Variants in EEFSEC observed in about 807,000 individuals in gnomAD.
EEFSEC encodes the protein eukaryotic elongation factor, selenocysteine-tRNA specific, also known as selenocysteine-specific elongation factor.
In EEFSEC, 43 loss-of-function variants were observed where a neutral mutation model predicts 42.1. The ratio of observed to expected loss-of-function variants is 1.02; its 90% CI spans 0.80 to 1.32. The LOEUF (loss-of-function observed/expected upper bound fraction) is 1.32. Among genes scored for constraint, EEFSEC ranks in the 40% most tolerant of loss-of-function variants. The pLI, the probability that EEFSEC is intolerant of heterozygous loss-of-function variation, is 0.00. For missense variants in EEFSEC, 745 were observed against 803.6 expected, an observed-to-expected ratio of 0.93 and a Z score of 0.88; for synonymous variants, 354 against 339.1, an observed-to-expected ratio of 1.04 and a Z score of -0.48.
At chr3:128,348,308 G>GCGTGTGTGTGTGTGGA (rs1163809514) in intron 5 of EEFSEC, among the ~76,000 whole-genome samples, 5 of 151,908 alleles carry the variant, frequency 3.3e-5, no homozygotes, top group Non-Finnish European at 7.4e-5. Context: ...GTGTGTGTGT[G>GCGTGTGTGTGTGTGGA]TTCATTCTTT....
chr3:128,234,052 TA>T (rs2065984571), intron 1 of EEFSEC, among the ~76,000 whole-genome samples: 4 of 142,516 alleles, frequency 2.8e-5, no homozygotes, highest in African/African-American at 5.2e-5. Context: ...TTTATTTATT[TA>T]TTTAATTTAT....
At chr3:128,251,606 A>T (rs1378876380) in intron 2 of EEFSEC, among the ~76,000 whole-genome samples, 47 of 152,166 alleles carry the variant, frequency 3.1e-4, no homozygotes, top group Admixed American at 2.9e-3. Context: ...TGTGTGAATT[A>T]TGCCCATGTA....
chr3:128,354,443 T>C (rs537761438), intron 5 of EEFSEC, among the ~76,000 whole-genome samples: 1 of 152,280 alleles, frequency 6.6e-6, no homozygotes, highest in South Asian at 2.1e-4. Context: ...TGTGGGAATG[T>C]AGGTCAGTGA....
chr3:128,324,115 G>A (rs1376061206), intron 4 of EEFSEC, among the ~76,000 whole-genome samples: 1 of 152,194 alleles, frequency 6.6e-6, no homozygotes, highest in African/African-American at 2.4e-5. Flanking sequence ...TTGGTCTGGG[G>A]CTGGGAGTGG....
intron 1 of EEFSEC, among the ~76,000 whole-genome samples, chr3:128,205,424 C>T (rs760464817): frequency 1.3e-5 from 2 of 151,828 alleles, no homozygotes; most frequent in Non-Finnish European, 2.9e-5. Context: ...GGCTGGACTC[C>T]TGCTGCGGGG....
intron 4 of EEFSEC, among the ~76,000 whole-genome samples, chr3:128,286,873 C>T (rs1030996332): frequency 6.6e-6 from 1 of 152,234 alleles, no homozygotes; most frequent in East Asian, 1.9e-4. Context: ...GCATTTACAT[C>T]AAGCTGAACA....
intron 5 of EEFSEC, among the ~76,000 whole-genome samples, chr3:128,349,187 G>T (rs2067351935): frequency 6.6e-6 from 1 of 152,166 alleles, no homozygotes; most frequent in African/African-American, 2.4e-5. Context: ...GGAGCTTAAA[G>T]AGGCAGGCAG....
At position 128,222,025 on chromosome 3, in the gene EEFSEC, G is replaced by GTTTTT. The variant is rs60162922; in HGVS notation, c.317-24789_317-24785dup. 1.2e-4 allele frequency among the ~76,000 whole-genome samples: 12 copies of GTTTTT among 96,364 alleles called. 2 individuals are homozygous for GTTTTT. Among genetic ancestry groups the GTTTTT allele is most frequent in the Non-Finnish European group, 1.6e-4 (8 of 51,530 alleles). The allele number at this position is 96,364 out of a possible 152,430, so 63.2% of individuals were successfully genotyped here. On this transcript the variant is annotated intron_variant, in intron 1 of 6. Transcript: ENST00000254730. ...TTTATTCTTCGTGTGTTTTTTCAAA[G>GTTTTT]TTTTTTTTTTTTTTTTTTTTTTTTT...
intron 2 of EEFSEC, among the ~76,000 whole-genome samples, chr3:128,254,540 T>G (rs1576583746): frequency 6.6e-6 from 1 of 152,124 alleles, no homozygotes; most frequent in South Asian, 2.1e-4. Context: ...GAATGGAAAT[T>G]AGTCCTAGGT....
chr3:128,196,767 C>A (rs2065589078), intron 1 of EEFSEC, among the ~76,000 whole-genome samples: 1 of 152,204 alleles, frequency 6.6e-6, no homozygotes, highest in African/African-American at 2.4e-5. Context: ...TCGATGGCCT[C>A]TGGAACCTCA....
chr3:128,348,265 TGTGTGC>T (rs1553758416), intron 5 of EEFSEC, among the ~76,000 whole-genome samples: 25 of 93,776 alleles, frequency 2.7e-4, no homozygotes, highest in East Asian at 8.8e-4. Context: ...TGTGTGTGTG[TGTGTGC>T]GTGTGCGTGT....
chr3:128,390,663 A>G (rs751184122), intron 6 of EEFSEC, among the ~76,000 whole-genome samples: 20 of 152,118 alleles, frequency 1.3e-4, no homozygotes, highest in Admixed American at 1.2e-3. Context: ...TCCCTGCTCC[A>G]TGCTGTGGTC....
At chr3:128,404,433 C>T (rs569574477) in intron 6 of EEFSEC, among the ~76,000 whole-genome samples, 2 of 152,372 alleles carry the variant, frequency 1.3e-5, no homozygotes, top group African/African-American at 4.8e-5. Flanking sequence ...GATGGACTGC[C>T]GATTGGGCCA....
chr3:128,339,339 G>A (rs1394914061), intron 4 of EEFSEC, among the ~76,000 whole-genome samples: 1 of 152,154 alleles, frequency 6.6e-6, no homozygotes, highest in Non-Finnish European at 1.5e-5. Flanking sequence ...GAGAAAATGA[G>A]TGTTCGTACA....
intron 6 of EEFSEC, 67 bp downstream of exon 6, chr3:128,358,440 T>G: frequency 6.3e-7 from 1 of 1,578,848 alleles, no homozygotes; most frequent in Non-Finnish European, 8.6e-7. Flanking sequence ...GCAGAGGTGA[T>G]GCCAAGGTGG....
chr3:128,396,660 C>G (rs1050313159), intron 6 of EEFSEC, among the ~76,000 whole-genome samples: 4 of 152,162 alleles, frequency 2.6e-5, no homozygotes, highest in Admixed American at 6.5e-5. Flanking sequence ...TCAGGCCCAC[C>G]ACGTTCTTGC....
At chr3:128,415,979 G>A in the EEFSEC span, among the ~76,000 whole-genome samples, 1 of 152,236 alleles carries the variant, frequency 6.6e-6, no homozygotes, top group Non-Finnish European at 1.5e-5. Flanking sequence ...GCCCAAGCCT[G>A]CCAGGTCCTG....
chr3:128,329,710 C>T (rs1287799144), intron 4 of EEFSEC, among the ~76,000 whole-genome samples: 2 of 152,172 alleles, frequency 1.3e-5, no homozygotes, highest in Non-Finnish European at 2.9e-5. Context: ...GAGGAGTGCT[C>T]AGGAGCCAGC....
intron 2 of EEFSEC, among the ~76,000 whole-genome samples, chr3:128,260,867 A>G (rs1003090473): frequency 4.6e-5 from 7 of 152,090 alleles, no homozygotes; most frequent in Non-Finnish European, 7.3e-5. Context: ...TTTCCATGGA[A>G]GAGGGCTTTT....
Sources: gnomAD v4.1 joint callset for allele counts (sites outside exome capture counted in the v4.1 genomes callset) on GRCh38, gnomAD v4.1.1 for gene constraint, MANE v1.5 for transcripts, NCBI Gene and HGNC (gene_info 2026-07-23, HGNC 2026-07-21) for gene names.